The following DPYSL5 variants were observed in gnomAD, a reference collection of about 807,000 sequenced individuals.
DPYSL5 encodes dihydropyrimidinase-related protein 5.
A neutral mutation model predicts 58.4 loss-of-function variants in DPYSL5; 9 were observed. The observed-to-expected ratio is 0.15, with a 90% confidence interval of 0.09 to 0.27. DPYSL5 has a LOEUF of 0.27. Ranked by LOEUF, DPYSL5 falls within the 10% of genes least tolerant of loss-of-function variation. The pLI, the probability that DPYSL5 is intolerant of heterozygous loss-of-function variation, is 1.00. For missense variants in DPYSL5, 499 were observed against 770.6 expected (o/e 0.65, Z 4.17); for synonymous variants, 293 against 301.9 (o/e 0.97, Z 0.31).
chr2:26,926,192 C>G (rs150051806), intron 3 of DPYSL5, among the ~76,000 whole-genome samples: 206 of 152,336 alleles, frequency 1.4e-3, no homozygotes, highest in African/African-American at 4.7e-3. Flanking sequence ...GGGGCTCACC[C>G]GGTTTCTTCA....
At chr2:26,895,616 T>C (rs1284178019) in intron 1 of DPYSL5, among the ~76,000 whole-genome samples, 2 of 152,090 alleles carry the variant, frequency 1.3e-5, no homozygotes, top group African/African-American at 2.4e-5. Context: ...TTTTCAAGAA[T>C]ACAATGTTAT....
At chr2:26,888,064 C>T (rs1663763009) in intron 1 of DPYSL5, among the ~76,000 whole-genome samples, 1 of 152,156 alleles carries the variant, frequency 6.6e-6, no homozygotes. Flanking sequence ...TGGGCTGGTT[C>T]CCTTCAGTTC....
rs558963931 is a variant in DPYSL5, at chr2:26,907,406, G to A, written c.261+8646G>A. ...TGGGATTACAGGCATGAGCTACTGC[G>A]CCCAGCCCACATTTACATTTTTAAA... is the stretch of plus-strand genomic sequence containing the variant. On this transcript the variant is annotated intron_variant, in intron 2 of 12. Transcript: ENST00000288699. 4.6e-5 allele frequency among the ~76,000 whole-genome samples: 7 copies of A among 152,218 alleles called. No homozygotes were observed. The South Asian group carries it at 8.3e-4, about 18-fold the overall frequency.
At chr2:26,936,101 A>G (rs1031689512) in intron 8 of DPYSL5, among the ~76,000 whole-genome samples, 1 of 152,248 alleles carries the variant, frequency 6.6e-6, no homozygotes, top group Non-Finnish European at 1.5e-5. Flanking sequence ...CCTTGTCTTC[A>G]GGGTGGACTG....
rs747796636 is a variant in DPYSL5 at position 26,940,062 on chromosome 2, C to T, written c.979C>T (p.Arg327Trp). 13 of 1,614,178 alleles carry T rather than the reference C, an allele frequency of 8.1e-6. No individual in the cohort carries two copies. The highest frequency in any genetic ancestry group is 1.1e-5 in the South Asian group (1 of 91,076). ...DTLNIVASDH[R>W]PFTTKQKAMG... ...TCTGAACATCGTGGCATCAGATCAC[C>T]GGCCTTTCACCACAAAGCAGAAAGC... Residue 327 changes from arginine (R) to tryptophan (W), a missense_variant, in exon 9 of 13, where the codon CGG becomes TGG. Transcript: ENST00000288699.
intron 2 of DPYSL5, among the ~76,000 whole-genome samples, chr2:26,910,487 T>C (rs966069226): frequency 2.0e-5 from 3 of 152,230 alleles, no homozygotes; most frequent in Non-Finnish European, 2.9e-5. Flanking sequence ...TGTCTTTACA[T>C]GTGCCTATAT....
chr2:26,872,109 G>A (rs939538610), intron 1 of DPYSL5, among the ~76,000 whole-genome samples: 9 of 152,146 alleles, frequency 5.9e-5, no homozygotes, highest in Admixed American at 3.9e-4. Context: ...ATTTAAGTCC[G>A]GGCACGTGTA....
In DPYSL5 at chr2:26,944,601, A is replaced by G. The variant is rs17005695; in HGVS notation, c.1441-55A>G. ...CCCCCAGGGAGGCCATGGTTGTATC[A>G]CTCAGCTCTGATGGTGTTGTCCTGT... On this transcript the variant is annotated intron_variant, in intron 11 of 12. Transcript: ENST00000288699. The surrounding 1 kb of genome is among the most constrained non-coding windows in gnomAD (Gnocchi z 4.4). The G allele has an allele frequency of 0.016, 26,037 of 1,583,980 alleles. 244 individuals are homozygous for G. Among genetic ancestry groups the G allele is most frequent in the Non-Finnish European group, 0.02 (22,918 of 1,162,018 alleles).
Position 26,849,057 on chromosome 2 carries a change from T to G in DPYSL5, c.-5+803T>G, listed in dbSNP as rs1665672980. The stretch of plus-strand genomic sequence containing the variant: ...GGCCTCGGTTGAGAAAAGATGGGGA[T>G]GGGGAAGGCTGGGGAGCTGGGTTAG... On this transcript the variant is annotated intron_variant, in intron 1 of 12. Transcript: ENST00000288699. The surrounding 1 kb of genome is among the most constrained non-coding windows in gnomAD (Gnocchi z 6.2). Among the ~76,000 whole-genome samples, 2 of 122,554 alleles carry G rather than the reference T, an allele frequency of 1.6e-5. No individual in the cohort carries two copies. Among genetic ancestry groups the G allele is most frequent in the African/African-American group, 3.1e-5 (1 of 32,318 alleles). 80.4% of individuals were successfully genotyped at this position (122,554 alleles called of 152,430 possible). A position where few individuals can be genotyped will look rare whatever the true frequency, so the allele number is the denominator to read the frequency against.
intron 1 of DPYSL5, among the ~76,000 whole-genome samples, chr2:26,891,915 C>T (rs4665918): frequency 0.4 from 60,858 of 151,954 alleles, 12,592 homozygotes; most frequent in Admixed American, 0.53. Flanking sequence ...TCAAGTGATC[C>T]GCCGGCCTCA....
intron 2 of DPYSL5, among the ~76,000 whole-genome samples, chr2:26,903,359 G>A (rs759797127): frequency 2.4e-4 from 36 of 152,250 alleles, no homozygotes; most frequent in Non-Finnish European, 4.3e-4. Flanking sequence ...TAAGAAACTT[G>A]CTTTTGCTTT....
intron 1 of DPYSL5, among the ~76,000 whole-genome samples, chr2:26,852,015 G>A (rs1665769707): frequency 1.3e-5 from 2 of 152,206 alleles, no homozygotes; most frequent in Admixed American, 6.6e-5. Context: ...GAGAGCCAGA[G>A]AAGTTGGACA....
chr2:26,863,856 C>A (rs561263244), intron 1 of DPYSL5, among the ~76,000 whole-genome samples: 59 of 152,312 alleles, frequency 3.9e-4, no homozygotes, highest in African/African-American at 1.3e-3. Flanking sequence ...GTTGAAGCCA[C>A]ATTTTTTAAT....
chr2:26,894,927 G>A (rs1403899944), intron 1 of DPYSL5, among the ~76,000 whole-genome samples: 1 of 152,230 alleles, frequency 6.6e-6, no homozygotes, highest in African/African-American at 2.4e-5. Flanking sequence ...GGAGTAGTCA[G>A]TGGTGTCATA....
At chr2:26,936,653 TA>T (rs1665186928) in intron 8 of DPYSL5, among the ~76,000 whole-genome samples, 1 of 152,124 alleles carries the variant, frequency 6.6e-6, no homozygotes, top group East Asian at 1.9e-4. Flanking sequence ...CTCTTACTCT[TA>T]AAAAATGCTT....
intron 1 of DPYSL5, among the ~76,000 whole-genome samples, chr2:26,855,776 C>T (rs952530809): frequency 6.6e-5 from 10 of 152,232 alleles, no homozygotes; most frequent in South Asian, 2.1e-4. Flanking sequence ...TTTGTCTGGT[C>T]CTGTCCCTCC....
rs1050273703 is a variant in DPYSL5, at chr2:26,905,427, C to T, written c.261+6667C>T. ...TCCAGTTCCTTGAGAAAAGATCCAC[C>T]GACTTTGGCTTCACAATGAAATTGC... On this transcript the variant is annotated intron_variant, in intron 2 of 12. Coordinates refer to ENST00000288699, the MANE Select transcript of DPYSL5 (RefSeq NM_020134.4). The surrounding 1 kb of genome is among the most constrained non-coding windows in gnomAD (Gnocchi z 4.0). 5.9e-5 allele frequency among the ~76,000 whole-genome samples: 9 copies of T among 152,168 alleles called. No homozygotes were observed. Among genetic ancestry groups the T allele is most frequent in the South Asian group, 2.1e-4 (1 of 4,830 alleles).
At chr2:26,900,541 G>A (rs1209008629) in intron 2 of DPYSL5, among the ~76,000 whole-genome samples, 1 of 152,182 alleles carries the variant, frequency 6.6e-6, no homozygotes, top group Non-Finnish European at 1.5e-5. Flanking sequence ...CTATGAACAT[G>A]TTCTTGTACA....
chr2:26,928,181 T>A lies in DPYSL5; in HGVS notation c.601-74T>A, dbSNP rs72851859. 6,936 of 1,451,386 alleles carry A rather than the reference T, an allele frequency of 4.8e-3. 110 individuals are homozygous for A. The African/African-American group carries it at 0.054, about 11-fold the overall frequency. The allele number at this position is 1,451,386 out of a possible 1,614,324, so 89.9% of individuals were successfully genotyped here. A position where few individuals can be genotyped will look rare whatever the true frequency, so the allele number is the denominator to read the frequency against. On this transcript the variant is annotated intron_variant, in intron 4 of 12. Coordinates refer to ENST00000288699, the MANE Select transcript of DPYSL5 (RefSeq NM_020134.4). ...AGGCGGTGTCTAGCATATTTCACTGTCCCTTGGGTTCAGTATTTTCTTACA... is the reference window on the plus strand; with the variant it reads ...AGGCGGTGTCTAGCATATTTCACTGACCCTTGGGTTCAGTATTTTCTTACA...
Sources: gnomAD v4.1 joint callset for allele counts (sites outside exome capture counted in the v4.1 genomes callset) on GRCh38, gnomAD v4.1.1 for gene constraint, Gnocchi (gnomAD v3.1) non-coding constraint, MANE v1.5 for transcripts, NCBI Gene and HGNC (gene_info 2026-07-23, HGNC 2026-07-21) for gene names.